The following COLEC12 variants were observed in gnomAD, a reference collection of about 807,000 sequenced individuals.
COLEC12 encodes collectin subfamily member 12, also known as collectin-12.
COLEC12 carries 33 observed loss-of-function variants against 71.1 expected under a neutral mutation model. The ratio of observed to expected loss-of-function variants is 0.46; its 90% CI spans 0.35 to 0.62. The LOEUF (loss-of-function observed/expected upper bound fraction) is 0.62. COLEC12 is among the 20% of genes least tolerant of loss of function. COLEC12 has a pLI of 0.00. For missense variants in COLEC12, 765 were observed against 916.1 expected, an observed-to-expected ratio of 0.84 and a Z score of 2.13; for synonymous variants, 350 against 353.0, an observed-to-expected ratio of 0.99 and a Z score of 0.10.
intron 6 of COLEC12, 100 bp from the exon 7 acceptor site, chr18:333,243 G>C: frequency 1.0e-6 from 1 of 976,010 alleles, no homozygotes; most frequent in East Asian, 2.5e-5. Context: ...GTCCCGCTGG[G>C]AGCAGCCTGA....
chr18:397,483 A>G (rs1356207086), intron 2 of COLEC12, among the ~76,000 whole-genome samples: 1 of 152,158 alleles, frequency 6.6e-6, no homozygotes, highest in South Asian at 2.1e-4. Flanking sequence ...TTAGATTTTT[A>G]TAATTTTGAA....
chr18:493,760 T>C (rs1487662283), intron 1 of COLEC12, among the ~76,000 whole-genome samples: 1 of 152,196 alleles, frequency 6.6e-6, no homozygotes, highest in Non-Finnish European at 1.5e-5. Context: ...AAAACAGAAA[T>C]ATGACAGCTT....
Position 469,067 on chromosome 18 carries a change from A to G in COLEC12, c.58+11640T>C, listed in dbSNP as rs142111444. On this transcript the variant is annotated intron_variant, in intron 2 of 9. Coordinates refer to ENST00000400256, the MANE Select transcript of COLEC12 (RefSeq NM_130386.3). The stretch of plus-strand genomic sequence containing the variant: ...CCTTCCAAACTTCTTTTACGAGTTT[A>G]TATCAAAACAGATTCTCATACCTCA... Among the ~76,000 whole-genome samples, 85 of 152,396 alleles carry G rather than the reference A, an allele frequency of 5.6e-4. No individual in the cohort carries two copies. The South Asian group carries it at 6.8e-3, about 12-fold the overall frequency.
chr18:350,721 AGT>A (rs1491455036), intron 3 of COLEC12, among the ~76,000 whole-genome samples: 48 of 152,096 alleles, frequency 3.2e-4, no homozygotes, highest in South Asian at 2.1e-4. Context: ...TGAGCTCAGG[AGT>A]TCAAGACCAG....
chr18:457,863 G>A (rs1598370854), intron 2 of COLEC12, among the ~76,000 whole-genome samples: 2 of 152,342 alleles, frequency 1.3e-5, no homozygotes, highest in South Asian at 2.1e-4. Context: ...TAGTGCTTAC[G>A]ATTGAGGAGA....
At chr18:460,856 T>G (rs1028568232) in intron 2 of COLEC12, among the ~76,000 whole-genome samples, 1 of 152,198 alleles carries the variant, frequency 6.6e-6, no homozygotes. Flanking sequence ...CCTTATTAGG[T>G]GCACATATCA....
intron 2 of COLEC12, among the ~76,000 whole-genome samples, chr18:370,939 G>C (rs1327189638): frequency 6.6e-6 from 1 of 152,200 alleles, no homozygotes; most frequent in Non-Finnish European, 1.5e-5. Context: ...CAGACCTGAA[G>C]AGGAACTGAA....
chr18:356,596 C>A (rs75950452), intron 3 of COLEC12, among the ~76,000 whole-genome samples: 8,705 of 152,272 alleles, frequency 0.057, 307 homozygotes, highest in South Asian at 0.14. Flanking sequence ...TGATGATCCA[C>A]AGACTCCACG....
At chr18:340,090 A>AAAAAAAC (rs1914215044) in intron 5 of COLEC12, among the ~76,000 whole-genome samples, 2 of 151,402 alleles carry the variant, frequency 1.3e-5, no homozygotes, top group Non-Finnish European at 1.5e-5. Context: ...AAAAAAAAAA[A>AAAAAAAC]ACAAAAAGAA....
intron 7 of COLEC12, among the ~76,000 whole-genome samples, chr18:332,594 G>A (rs983701177): frequency 7.2e-5 from 11 of 152,262 alleles, no homozygotes; most frequent in African/African-American, 1.9e-4. Context: ...ATTAGCATGC[G>A]TGGGCTCTGC....
chr18:467,609 A>T (rs1027018971), intron 2 of COLEC12, among the ~76,000 whole-genome samples: 1 of 152,244 alleles, frequency 6.6e-6, no homozygotes, highest in Non-Finnish European at 1.5e-5. Context: ...GTTAATGGAA[A>T]CATTATGCTT....
chr18:409,693 T>C (rs748902868), intron 2 of COLEC12, among the ~76,000 whole-genome samples: 15 of 152,208 alleles, frequency 9.9e-5, no homozygotes, highest in Non-Finnish European at 2.1e-4. Flanking sequence ...CATGTTAACA[T>C]TGTGAAATTG....
intron 2 of COLEC12, among the ~76,000 whole-genome samples, chr18:447,617 G>T (rs890029353): frequency 6.6e-6 from 1 of 152,142 alleles, no homozygotes; most frequent in Non-Finnish European, 1.5e-5. Flanking sequence ...TGCTCTTTAT[G>T]AGCCACTGTA....
At chr18:406,479 G>T (rs542526794) in intron 2 of COLEC12, among the ~76,000 whole-genome samples, 64 of 122,390 alleles carry the variant, frequency 5.2e-4, no homozygotes, top group African/African-American at 2.0e-3. Flanking sequence ...ACTGCAGTCC[G>T]CAGTCCGGCC....
intron 2 of COLEC12, among the ~76,000 whole-genome samples, chr18:410,613 C>T (rs1048019432): frequency 6.6e-5 from 10 of 152,024 alleles, no homozygotes; most frequent in East Asian, 1.9e-4. Context: ...TTAGTAGAGA[C>T]GGCGTTTCAC....
intron 2 of COLEC12, chr18:423,821 G>C (rs1412373819): frequency 6.6e-6 from 1 of 152,046 alleles, no homozygotes; most frequent in Non-Finnish European, 1.5e-5. Context: ...TGCTGATATG[G>C]TTCCTGGTTC....
intron 2 of COLEC12, among the ~76,000 whole-genome samples, chr18:360,960 C>T (rs1276296498): frequency 3.9e-5 from 6 of 152,166 alleles, no homozygotes; most frequent in African/African-American, 1.4e-4. Flanking sequence ...CCCTGCCAAA[C>T]CAGATCTCCA....
At chr18:484,736 T>A (rs1414034869) in intron 1 of COLEC12, among the ~76,000 whole-genome samples, 1 of 152,234 alleles carries the variant, frequency 6.6e-6, no homozygotes, top group East Asian at 1.9e-4. Flanking sequence ...TTTTCAAAAG[T>A]TGACTTTAGA....
At chr18:429,991 A>T (rs913828387) in intron 2 of COLEC12, among the ~76,000 whole-genome samples, 23 of 152,220 alleles carry the variant, frequency 1.5e-4, no homozygotes, top group Admixed American at 6.5e-4. Flanking sequence ...TCAGTTCTGC[A>T]TCGCCAGCTC....
Sources: allele counts gnomAD v4.1 joint callset (sites outside exome capture counted in the v4.1 genomes callset), GRCh38; gene constraint gnomAD v4.1.1; transcripts MANE v1.5; gene names NCBI Gene and HGNC (gene_info 2026-07-23, HGNC 2026-07-21).